Variants in NWD2 observed in about 807,000 individuals in gnomAD.
NWD2 encodes NACHT and WD repeat domain containing 2.
Under a neutral mutation model 132.7 loss-of-function variants are expected in NWD2, and 37 were observed. The observed-to-expected ratio is 0.28, with a 90% CI of 0.21 to 0.37. NWD2 has a LOEUF of 0.37. Ranked by LOEUF, NWD2 falls within the 10% of genes least tolerant of loss-of-function variation. The probability of loss-of-function intolerance (pLI) is 1.00; values close to 1 mark genes in which losing one functional copy is unlikely to be tolerated. For missense variants in NWD2, 1,592 were observed against 2,122.4 expected, an observed-to-expected ratio of 0.75 and a Z score of 4.91; for synonymous variants, 705 against 803.0, an observed-to-expected ratio of 0.88 and a Z score of 2.06.
At chr4:37,314,973 A>G (rs945583091) in intron 1 of NWD2, among the ~76,000 whole-genome samples, 2 of 152,134 alleles carry the variant, frequency 1.3e-5, no homozygotes, top group Non-Finnish European at 2.9e-5. Context: ...ATCTATTTCA[A>G]CACATTTTGT....
chr4:37,391,719 A>G (rs777064018), intron 3 of NWD2, among the ~76,000 whole-genome samples: 3 of 152,164 alleles, frequency 2.0e-5, no homozygotes, highest in Non-Finnish European at 4.4e-5. Context: ...AGCCATCCTC[A>G]TCGTCATCCA....
rs1469959529 is a variant in NWD2, at chr4:37,245,232, T to C, written c.151+14T>C. The C allele has an allele frequency of 6.5e-7, 1 of 1,529,506 alleles. No homozygotes were observed. The highest frequency in any genetic ancestry group is 8.8e-7 in the Non-Finnish European group (1 of 1,141,078). 94.7% of individuals were successfully genotyped at this position (1,529,506 alleles called of 1,614,324 possible). A position where few individuals can be genotyped will look rare whatever the true frequency, so the allele number is the denominator to read the frequency against. On this transcript the variant is annotated intron_variant, in intron 1 of 6. Coordinates refer to ENST00000309447, the MANE Select transcript of NWD2 (RefSeq NM_001144990.2). ...CCAACCCTGAAGGTACGTCCCTCGCTCGGGTTTGCCCGTCCGTCCTTCTGT... is the reference window on the plus strand; with the variant it reads ...CCAACCCTGAAGGTACGTCCCTCGCCCGGGTTTGCCCGTCCGTCCTTCTGT...
chr4:37,247,899 C>T (rs1445726634), intron 1 of NWD2, among the ~76,000 whole-genome samples: 3 of 152,096 alleles, frequency 2.0e-5, no homozygotes, highest in Admixed American at 6.5e-5. Context: ...TGTGAGCCAC[C>T]GCACCTAACC....
chr4:37,302,913 T>A (rs1416952511), intron 1 of NWD2, among the ~76,000 whole-genome samples: 1 of 152,180 alleles, frequency 6.6e-6, no homozygotes, highest in East Asian at 1.9e-4. Context: ...GTAGTCTCTT[T>A]ACTCTGTTGA....
intron 1 of NWD2, among the ~76,000 whole-genome samples, chr4:37,312,266 GA>G (rs1718862314): frequency 6.6e-6 from 1 of 151,218 alleles, no homozygotes; most frequent in Non-Finnish European, 1.5e-5. Flanking sequence ...CATGAGCATG[GA>G]ATGTTCTTCC....
At chr4:37,364,862 C>T (rs375333954) in intron 3 of NWD2, among the ~76,000 whole-genome samples, 200 of 152,190 alleles carry the variant, frequency 1.3e-3, no homozygotes, top group Non-Finnish European at 2.4e-3. Context: ...ACATTTTGAA[C>T]GGGGCCATAT....
chr4:37,253,555 G>A (rs1237653707), intron 1 of NWD2, among the ~76,000 whole-genome samples: 2 of 152,146 alleles, frequency 1.3e-5, no homozygotes, highest in African/African-American at 4.8e-5. Flanking sequence ...GGTAAAGGGA[G>A]TCCAGGAGGT....
chr4:37,339,206 G>A (rs1336407491), intron 2 of NWD2, among the ~76,000 whole-genome samples: 1 of 152,138 alleles, frequency 6.6e-6, no homozygotes, highest in African/African-American at 2.4e-5. Context: ...ATGTGAGTGA[G>A]GCAGCTTATA....
chr4:37,390,599 A>C (rs1720663733), intron 3 of NWD2, among the ~76,000 whole-genome samples: 1 of 152,160 alleles, frequency 6.6e-6, no homozygotes, highest in African/African-American at 2.4e-5. Flanking sequence ...CATGATGTTT[A>C]AAACCTACTC....
chr4:37,245,189 T>C lies in NWD2; in HGVS notation c.122T>C (p.Val41Ala). 6.5e-7 allele frequency: 1 copy of C among 1,543,280 alleles called. No homozygotes were observed. Among genetic ancestry groups the C allele is most frequent in the Non-Finnish European group, 8.7e-7 (1 of 1,146,014 alleles). Residue 41 changes from valine to alanine, a missense_variant, in exon 1 of 7, where the codon GTC becomes GCC. Val to Ala is a moderately conservative substitution (Grantham distance 64). Around this residue, in one of 7 missense-constraint regions of NWD2, gnomAD observed 88 missense variants for 92.8 expected, o/e 0.95. Transcript: ENST00000309447. Reference sequence around the variant, plus strand: ...CACCTCGTGCCCGCCGGCCGCAGCGTCCGGGTCTTCATCAGCGCCAACCCT... The same window carrying C: ...CACCTCGTGCCCGCCGGCCGCAGCGCCCGGGTCTTCATCAGCGCCAACCCT... The part of the protein sequence containing the change: ...PSHLVPAGRS[V>A]RVFISANPED...
intron 3 of NWD2, among the ~76,000 whole-genome samples, chr4:37,370,390 A>G (rs1274515709): frequency 1.3e-5 from 2 of 152,232 alleles, no homozygotes; most frequent in Non-Finnish European, 2.9e-5. Context: ...TATTATATAT[A>G]ACTTAAAATT....
chr4:37,390,527 C>T (rs1577687872), intron 3 of NWD2, among the ~76,000 whole-genome samples: 1 of 152,048 alleles, frequency 6.6e-6, no homozygotes, highest in African/African-American at 2.4e-5. Context: ...TTTGAAAATA[C>T]GATTGCTTTG....
intron 1 of NWD2, among the ~76,000 whole-genome samples, chr4:37,314,958 A>G (rs1718929462): frequency 6.6e-6 from 1 of 152,018 alleles, no homozygotes; most frequent in Admixed American, 6.6e-5. Context: ...GTGTGCTTTT[A>G]TTTTATCTAT....
At chr4:37,273,883 G>A (rs1384668495) in intron 1 of NWD2, among the ~76,000 whole-genome samples, 1 of 151,968 alleles carries the variant, frequency 6.6e-6, no homozygotes, top group East Asian at 1.9e-4. Context: ...TGAAACCAAC[G>A]AGAAAAAAGA....
In NWD2 at chr4:37,439,662, A is replaced by T. The variant is rs1331665511; in HGVS notation, c.1296+272A>T. ...AGTTCCCATCCCTCACCCCATTTGG[A>T]TGAAAACCCAGGCCAATCTCAATAA... On this transcript the variant is annotated intron_variant, in intron 6 of 6. Coordinates refer to ENST00000309447, the MANE Select transcript of NWD2 (RefSeq NM_001144990.2). This position sits in a 1 kb window ranked among gnomAD's most constrained non-coding sequence, Gnocchi z 4.5. 5.9e-5 allele frequency among the ~76,000 whole-genome samples: 9 copies of T among 152,148 alleles called. No individual in the cohort carries two copies. In the East Asian group the frequency reaches 1.7e-3, roughly 29 times the overall value.
At chr4:37,389,032 AC>A (rs1315359655) in intron 3 of NWD2, among the ~76,000 whole-genome samples, 1 of 152,094 alleles carries the variant, frequency 6.6e-6, no homozygotes, top group Non-Finnish European at 1.5e-5. Flanking sequence ...AAAAAATAAA[AC>A]CATGAGAAGG....
chr4:37,323,588 G>A (rs558831616), intron 1 of NWD2, among the ~76,000 whole-genome samples: 5 of 152,194 alleles, frequency 3.3e-5, no homozygotes, highest in East Asian at 1.9e-4. Context: ...ATACACTGTC[G>A]GTGGAATTGT....
chr4:37,444,213 A>G lies in NWD2; in HGVS notation c.2225A>G (p.Gln742Arg). ...WANRHLQLIA[Q>R]KLYLQDDNDL... Reference sequence around the variant, plus strand: ...AACAGACACCTGCAGCTCATAGCCCAGAAGCTATATCTGCAGGATGACAAT... The same window carrying G: ...AACAGACACCTGCAGCTCATAGCCCGGAAGCTATATCTGCAGGATGACAAT... Residue 742 changes from glutamine to arginine, a missense_variant, in exon 7 of 7, where the codon CAG becomes CGG. Gln to Arg is a conservative substitution (Grantham distance 43, BLOSUM62 1). This residue lies in a region of NWD2 where 1,071 missense variants were observed against 1,398.0 expected (regional missense o/e 0.77). Transcript: ENST00000309447. This position sits in a 1 kb window ranked among gnomAD's most constrained non-coding sequence, Gnocchi z 4.8. 2 of 1,551,714 alleles carry G rather than the reference A, an allele frequency of 1.3e-6. No individual in the cohort carries two copies. The highest frequency in any genetic ancestry group is 1.7e-6 in the Non-Finnish European group (2 of 1,146,972).
At chr4:37,406,084 TAA>T (rs1468940615) in intron 3 of NWD2, among the ~76,000 whole-genome samples, 2 of 152,236 alleles carry the variant, frequency 1.3e-5, no homozygotes, top group Non-Finnish European at 2.9e-5. Context: ...GAAGTCACGT[TAA>T]GTCATGCCAC....
Sources: gnomAD v4.1 joint callset for allele counts (sites outside exome capture counted in the v4.1 genomes callset) on GRCh38, gnomAD v4.1.1 for gene constraint, gnomAD v4.1.1 regional missense constraint, Gnocchi (gnomAD v3.1) non-coding constraint, MANE v1.5 for transcripts, NCBI Gene and HGNC (gene_info 2026-07-23, HGNC 2026-07-21) for gene names.